Variants in FAR1 observed in about 807,000 individuals in gnomAD.
FAR1 encodes the protein male sterility domain-containing protein 2.
Under a neutral mutation model 61.1 loss-of-function variants are expected in FAR1, and 22 were observed. The observed-to-expected ratio is 0.36, with a 90% CI of 0.26 to 0.51. The LOEUF is 0.51. FAR1 is among the 20% of genes least tolerant of loss of function. The pLI is 0.95. For synonymous variants in FAR1, 206 were observed against 209.7 expected (o/e 0.98, Z 0.15); for missense variants, 359 against 626.9 (o/e 0.57, Z 4.56).
At chr11:13,709,297 A>G (rs1485932560) in intron 4 of FAR1, among the ~76,000 whole-genome samples, 1 of 152,158 alleles carries the variant, frequency 6.6e-6, no homozygotes. Flanking sequence ...GTAATTCCCT[A>G]ATTTCTATTT....
intron 1 of FAR1, among the ~76,000 whole-genome samples, chr11:13,686,824 G>T (rs1486524319): frequency 6.6e-6 from 1 of 152,062 alleles, no homozygotes; most frequent in Non-Finnish European, 1.5e-5. Context: ...TTAATATTAG[G>T]GCATTTATTA....
chr11:13,717,119 A>C (rs59283821), intron 9 of FAR1, among the ~76,000 whole-genome samples: 2 of 151,968 alleles, frequency 1.3e-5, no homozygotes, highest in Non-Finnish European at 2.9e-5. Context: ...TGGAAAGGAC[A>C]GTTGCTTCTT....
intron 1 of FAR1, among the ~76,000 whole-genome samples, chr11:13,672,388 C>CAA (rs34030723): frequency 0.1 from 13,057 of 128,654 alleles, 666 homozygotes; most frequent in South Asian, 0.14. Flanking sequence ...CTTTTCTATC[C>CAA]AAAAAAAAAA....
intron 1 of FAR1, among the ~76,000 whole-genome samples, chr11:13,684,772 C>T (rs1848168356): frequency 6.6e-6 from 1 of 152,054 alleles, no homozygotes; most frequent in South Asian, 2.1e-4. Context: ...CCTAATAGCT[C>T]ACTAGTCTGT....
In FAR1 at chr11:13,721,583, C is replaced by A; in HGVS notation, c.1128-147C>A. The A allele has an allele frequency of 1.7e-6, 1 of 589,608 alleles. No homozygotes were observed. Among genetic ancestry groups the A allele is most frequent in the Non-Finnish European group, 2.8e-6 (1 of 355,476 alleles). The allele number at this position is 589,608 out of a possible 1,614,324, so 36.5% of individuals were successfully genotyped here. ...CCAAGATGCAGAAATAGTCTTATTC[C>A]CTGCTGATTTGGTACACTTAATGAT... On this transcript the variant is annotated intron_variant, in intron 9 of 11. Transcript: ENST00000354817. This position sits in a 1 kb window ranked among gnomAD's most constrained non-coding sequence, Gnocchi z 4.2.
intron 3 of FAR1, among the ~76,000 whole-genome samples, chr11:13,701,737 T>C (rs1325298825): frequency 6.6e-6 from 1 of 152,072 alleles, no homozygotes; most frequent in Admixed American, 6.6e-5. Context: ...ATCTCTGCAG[T>C]AGTCCTTTAT....
chr11:13,716,577 G>T (rs1456240117), intron 9 of FAR1, among the ~76,000 whole-genome samples: 2 of 151,992 alleles, frequency 1.3e-5, no homozygotes, highest in Non-Finnish European at 2.9e-5. Context: ...AAGGATTAAT[G>T]ATAGCCTTAG....
chr11:13,713,965 ATC>A (rs1180479995), intron 8 of FAR1, among the ~76,000 whole-genome samples: 4 of 152,112 alleles, frequency 2.6e-5, no homozygotes, highest in African/African-American at 9.7e-5. Flanking sequence ...TTTAGTGACT[ATC>A]TCAATATACA....
intron 3 of FAR1, among the ~76,000 whole-genome samples, chr11:13,703,061 A>G (rs1056079680): frequency 6.6e-6 from 1 of 152,182 alleles, no homozygotes; most frequent in African/African-American, 2.4e-5. Context: ...CTGGGAAGCA[A>G]TTTTAATGGA....
At chr11:13,711,836 A>G (rs757284619) in intron 6 of FAR1, 28 bp downstream of exon 6, 2 of 1,574,526 alleles carry the variant, frequency 1.3e-6, no homozygotes, top group Admixed American at 1.7e-5. Context: ...TTTATTTAAT[A>G]TTCTATACAT....
rs1364393034 is a variant in FAR1 at position 13,729,225 on chromosome 11, T to G, written c.*451T>G. ...AGATATTTGATTCTTCATTTTTTGTTTTTTTCATTAGTTGAAGTGGGTTTT... is the reference window on the plus strand; with the variant it reads ...AGATATTTGATTCTTCATTTTTTGTGTTTTTCATTAGTTGAAGTGGGTTTT... On this transcript the variant is annotated 3_prime_UTR_variant, in exon 12 of 12. Transcript: ENST00000354817. 2.0e-5 allele frequency: 3 copies of G among 152,604 alleles called. No homozygotes were observed. Among genetic ancestry groups the G allele is most frequent in the Non-Finnish European group, 4.4e-5 (3 of 67,984 alleles). The allele number at this position is 152,604 out of a possible 1,614,324, so 9.5% of individuals were successfully genotyped here. A position where few individuals can be genotyped will look rare whatever the true frequency, so the allele number is the denominator to read the frequency against.
intron 2 of FAR1, among the ~76,000 whole-genome samples, chr11:13,698,388 A>G (rs1415156625): frequency 6.6e-6 from 1 of 152,212 alleles, no homozygotes; most frequent in Non-Finnish European, 1.5e-5. Context: ...CTACATCCTG[A>G]ATGTTACATC....
At chr11:13,711,123 T>C (rs1255971484) in intron 5 of FAR1, 1 of 438,406 alleles carries the variant, frequency 2.3e-6, no homozygotes, top group Non-Finnish European at 4.0e-6. Flanking sequence ...GACATTTTCT[T>C]AAGTCAGAGG....
At chr11:13,719,871 C>A (rs916753695) in intron 9 of FAR1, 3 of 152,042 alleles carry the variant, frequency 2.0e-5, no homozygotes, top group Non-Finnish European at 4.4e-5. Context: ...TAAGATCTTG[C>A]CTTACTCTAA....
intron 10 of FAR1, chr11:13,723,362 CAAAAAAA>C: frequency 3.9e-6 from 1 of 254,360 alleles, no homozygotes; most frequent in South Asian, 2.5e-5. Context: ...GAGAGTCTCT[CAAAAAAA>C]AAAAAAAAAA....
intron 2 of FAR1, among the ~76,000 whole-genome samples, chr11:13,698,100 A>T (rs1848327533): frequency 6.6e-6 from 1 of 152,128 alleles, no homozygotes; most frequent in African/African-American, 2.4e-5. Flanking sequence ...AGACCCACAA[A>T]GCCAGTCACC....
chr11:13,712,180 C>T (rs942280091), intron 7 of FAR1, 134 bp downstream of exon 7: 7 of 643,148 alleles, frequency 1.1e-5, no homozygotes, highest in South Asian at 9.6e-5. Flanking sequence ...ACTGCCAACT[C>T]CAAGAGTTGG....
chr11:13,669,886 A>T (rs1011503401), intron 1 of FAR1, among the ~76,000 whole-genome samples: 4 of 30,774 alleles, frequency 1.3e-4, no homozygotes, highest in African/African-American at 3.8e-4. Context: ...CTTTATGTTA[A>T]AAAAAAAAGT....
intron 1 of FAR1, among the ~76,000 whole-genome samples, chr11:13,688,187 T>A (rs10832098): frequency 0.16 from 24,391 of 151,064 alleles, 2,037 homozygotes; most frequent in African/African-American, 0.21. Flanking sequence ...CAAAAAAAAA[T>A]ATATATTTAG....
Sources: gnomAD v4.1 joint callset for allele counts (sites outside exome capture counted in the v4.1 genomes callset) on GRCh38, gnomAD v4.1.1 for gene constraint, Gnocchi (gnomAD v3.1) non-coding constraint, MANE v1.5 for transcripts, NCBI Gene and HGNC (gene_info 2026-07-23, HGNC 2026-07-21) for gene names.